PRKN: variants seen among roughly 807,000 people sequenced by gnomAD.
The protein encoded by PRKN is E3 ubiquitin-protein ligase parkin.
A neutral mutation model predicts 59.5 loss-of-function variants in PRKN; 56 were observed. The observed-to-expected ratio is 0.94, with a 90% CI of 0.76 to 1.18. PRKN has a LOEUF of 1.18. Among genes scored for constraint, PRKN ranks in the 50% most tolerant of loss-of-function variants. The probability of loss-of-function intolerance (pLI) is 0.00; values close to 1 mark genes in which losing one functional copy is unlikely to be tolerated. For synonymous variants in PRKN, 250 were observed against 222.1 expected (o/e 1.13, Z -1.12); for missense variants, 657 against 596.4 (o/e 1.10, Z -1.06).
At chr6:161,430,479 G>C (rs993575782) in intron 9 of PRKN, among the ~76,000 whole-genome samples, 1 of 152,110 alleles carries the variant, frequency 6.6e-6, no homozygotes, top group African/African-American at 2.4e-5. Context: ...CACTGCTCTT[G>C]GGGAAAAATG....
chr6:162,135,202 T>C (rs1339238136), intron 4 of PRKN, among the ~76,000 whole-genome samples: 1 of 152,182 alleles, frequency 6.6e-6, no homozygotes, highest in Non-Finnish European at 1.5e-5. Context: ...AGTGGCCTGA[T>C]CATAGCTCAC....
chr6:161,601,958 G>C (rs1407238125), intron 7 of PRKN, among the ~76,000 whole-genome samples: 1 of 151,988 alleles, frequency 6.6e-6, no homozygotes, highest in African/African-American at 2.4e-5. Context: ...TTTTTAACAG[G>C]GTGCATGTAA....
intron 1 of PRKN, among the ~76,000 whole-genome samples, chr6:162,501,888 A>G (rs1358969193): frequency 6.7e-6 from 1 of 148,948 alleles, no homozygotes; most frequent in Non-Finnish European, 1.5e-5. Flanking sequence ...TGTGCAGCAA[A>G]CCTCTTCAGG....
intron 2 of PRKN, among the ~76,000 whole-genome samples, chr6:162,384,565 GAT>G (rs369150189): frequency 5.4e-5 from 8 of 149,420 alleles, no homozygotes; most frequent in African/African-American, 2.0e-4. Flanking sequence ...AAATGATAGA[GAT>G]AGAGTGAGCA....
chr6:161,848,796 C>T (rs1028302695), intron 6 of PRKN, among the ~76,000 whole-genome samples: 1 of 152,136 alleles, frequency 6.6e-6, no homozygotes, highest in Admixed American at 6.5e-5. Flanking sequence ...GATACATGCA[C>T]GCTAAGCTGA....
intron 1 of PRKN, among the ~76,000 whole-genome samples, chr6:162,722,892 T>C (rs926244344): frequency 2.0e-5 from 3 of 152,186 alleles, no homozygotes; most frequent in African/African-American, 7.2e-5. Flanking sequence ...AACTATTATA[T>C]AATTACATAA....
intron 6 of PRKN, among the ~76,000 whole-genome samples, chr6:161,864,008 T>C (rs1042409454): frequency 6.6e-6 from 1 of 152,216 alleles, no homozygotes; most frequent in Non-Finnish European, 1.5e-5. Flanking sequence ...TTTTTGCTGG[T>C]AGAGGGTCTT....
intron 2 of PRKN, among the ~76,000 whole-genome samples, chr6:162,329,731 TAAA>T (rs528989878): frequency 6.6e-6 from 1 of 151,890 alleles, no homozygotes. Flanking sequence ...AATAAAAAAA[TAAA>T]AAAACTCAAT....
intron 2 of PRKN, among the ~76,000 whole-genome samples, chr6:162,311,423 T>C (rs541358852): frequency 6.6e-6 from 1 of 151,140 alleles, no homozygotes; most frequent in South Asian, 2.1e-4. Flanking sequence ...CAGGTGAAAA[T>C]AAAAGTTACT....
intron 1 of PRKN, among the ~76,000 whole-genome samples, chr6:162,452,761 T>G (rs1414836133): frequency 6.6e-6 from 1 of 151,806 alleles, no homozygotes; most frequent in Non-Finnish European, 1.5e-5. Context: ...TTACATTAAA[T>G]TTTAATGAAG....
chr6:162,351,710 T>C (rs1432191742), intron 2 of PRKN, among the ~76,000 whole-genome samples: 3 of 152,158 alleles, frequency 2.0e-5, no homozygotes, highest in Non-Finnish European at 2.9e-5. Context: ...AATGAAATAA[T>C]ATTCAGCAAT....
At chr6:162,496,907 G>A (rs1402532061) in intron 1 of PRKN, among the ~76,000 whole-genome samples, 1 of 152,152 alleles carries the variant, frequency 6.6e-6, no homozygotes, top group Non-Finnish European at 1.5e-5. Context: ...ATCTGCCACT[G>A]TCCTGGTTTA....
chr6:162,006,223 C>G (rs191729188), intron 5 of PRKN, among the ~76,000 whole-genome samples: 3 of 152,080 alleles, frequency 2.0e-5, no homozygotes, highest in Non-Finnish European at 4.4e-5. Flanking sequence ...GTTGATTAAA[C>G]GACTGACAAT....
chr6:162,633,891 G>A (rs1020692225), intron 1 of PRKN, among the ~76,000 whole-genome samples: 2 of 152,032 alleles, frequency 1.3e-5, no homozygotes, highest in African/African-American at 2.4e-5. Context: ...TAGGTGTGAG[G>A]GAATTTAAAT....
chr6:161,942,851 C>CA (rs1313417193), intron 6 of PRKN, among the ~76,000 whole-genome samples: 1 of 151,886 alleles, frequency 6.6e-6, no homozygotes, highest in African/African-American at 2.4e-5. Flanking sequence ...TAAGAGTAGG[C>CA]AAAAAGAGAA....
At chr6:162,331,627 C>T (rs904722648) in intron 2 of PRKN, among the ~76,000 whole-genome samples, 1 of 152,184 alleles carries the variant, frequency 6.6e-6, no homozygotes, top group Non-Finnish European at 1.5e-5. Flanking sequence ...AGATATCACC[C>T]CATTTTTCTT....
At chr6:162,703,933 C>T (rs772048025) in intron 1 of PRKN, among the ~76,000 whole-genome samples, 4 of 152,134 alleles carry the variant, frequency 2.6e-5, no homozygotes, top group African/African-American at 4.8e-5. Flanking sequence ...AGACTACAAG[C>T]GCATGACAGA....
At chr6:161,720,651 G>A (rs1787179918) in intron 7 of PRKN, among the ~76,000 whole-genome samples, 1 of 152,106 alleles carries the variant, frequency 6.6e-6, no homozygotes, top group South Asian at 2.1e-4. Context: ...TAAATGTACA[G>A]TTTCCTAACC....
At chr6:161,659,538 T>A (rs1392661428) in intron 7 of PRKN, among the ~76,000 whole-genome samples, 3 of 152,102 alleles carry the variant, frequency 2.0e-5, no homozygotes, top group Non-Finnish European at 2.9e-5. Context: ...GTGGGGCAGA[T>A]AAGGCCAGGG....
Sources: allele counts gnomAD v4.1 joint callset (sites outside exome capture counted in the v4.1 genomes callset), GRCh38; gene constraint gnomAD v4.1.1; transcripts MANE v1.5; gene names NCBI Gene and HGNC (gene_info 2026-07-23, HGNC 2026-07-21).